The following RAB3B variants were observed in gnomAD, a reference collection of about 807,000 sequenced individuals.
RAB3B encodes ras-related protein Rab-3B.
A neutral mutation model predicts 20.5 loss-of-function variants in RAB3B; 11 were observed. That is an observed-to-expected ratio of 0.54 (90% CI 0.34 to 0.89). The LOEUF (loss-of-function observed/expected upper bound fraction) is 0.89. Among genes scored for constraint, RAB3B ranks in the 40% least tolerant of loss-of-function variants. The probability of loss-of-function intolerance (pLI) is 0.02; values close to 1 mark genes in which losing one functional copy is unlikely to be tolerated. For missense variants in RAB3B, 225 were observed against 280.9 expected (o/e 0.80, Z 1.42); for synonymous variants, 99 against 106.3 (o/e 0.93, Z 0.42).
At chr1:51,985,108 G>T (rs1685135212) in intron 1 of RAB3B, among the ~76,000 whole-genome samples, 1 of 152,152 alleles carries the variant, frequency 6.6e-6, no homozygotes, top group South Asian at 2.1e-4. Context: ...ACAGAGCTTG[G>T]TACAAATAGA....
At chr1:51,928,197 C>T (rs546042124) in intron 4 of RAB3B, among the ~76,000 whole-genome samples, 1 of 152,310 alleles carries the variant, frequency 6.6e-6, no homozygotes, top group South Asian at 2.1e-4. Context: ...ACCTCCGCCT[C>T]CCCGGTTCAG....
chr1:51,971,212 T>C (rs1684928898), intron 2 of RAB3B, among the ~76,000 whole-genome samples: 1 of 150,918 alleles, frequency 6.6e-6, no homozygotes, highest in African/African-American at 2.4e-5. Context: ...AAAAATGAAG[T>C]GATTTATCAA....
intron 2 of RAB3B, among the ~76,000 whole-genome samples, chr1:51,972,157 C>T (rs1018608721): frequency 5.3e-5 from 8 of 151,854 alleles, no homozygotes; most frequent in Admixed American, 2.0e-4. Context: ...CCTGGGCAAC[C>T]GAGCGAGACT....
chr1:51,960,393 T>A (rs1012035314), intron 2 of RAB3B, among the ~76,000 whole-genome samples: 5 of 152,176 alleles, frequency 3.3e-5, no homozygotes, highest in Non-Finnish European at 7.4e-5. Context: ...CCCAGCCATC[T>A]GGGCCTCAGC....
At chr1:51,931,827 TAGA>T (rs1684331142) in intron 4 of RAB3B, among the ~76,000 whole-genome samples, 1 of 151,872 alleles carries the variant, frequency 6.6e-6, no homozygotes, top group Admixed American at 6.6e-5. Context: ...TGGATGAGGG[TAGA>T]AGATGGGGAG....
Position 51,918,301 on chromosome 1 carries a change from T to G in RAB3B, c.*1626A>C, listed in dbSNP as rs781465323. ...GATTTATTTTGCTTTGAATCATACT[T>G]CTCAGTTAGACTGCTCAAGAGCAGT... On this transcript the variant is annotated 3_prime_UTR_variant, in exon 5 of 5. Coordinates refer to ENST00000371655, the MANE Select transcript of RAB3B (RefSeq NM_002867.4). 1.3e-5 allele frequency: 2 copies of G among 152,292 alleles called. No homozygotes were observed. Among genetic ancestry groups the G allele is most frequent in the Middle Eastern group, 3.4e-3 (1 of 294 alleles). The allele number at this position is 152,292 out of a possible 1,614,324, so 9.4% of individuals were successfully genotyped here.
Position 51,933,418 on chromosome 1 carries a change from G to A in RAB3B, c.372C>T (p.Ser124=). ...QDWATQIKTY[S]WDNAQVILVG... ...CCAGAATAACTTGTGCATTGTCCCA[G>A]GAGTAGGTCTTGATCTGAGTAGCCC... The change falls in exon 4 of 5, where the codon TCC becomes TCT. Residue 124 remains serine, a synonymous_variant. Transcript: ENST00000371655. 1 of 1,613,134 alleles carries A rather than the reference G, an allele frequency of 6.2e-7. No homozygotes were observed. Among genetic ancestry groups the A allele is most frequent in the Non-Finnish European group, 8.5e-7 (1 of 1,179,162 alleles).
Position 51,911,280 on chromosome 1 carries a change from C to T in RAB3B, c.*8647G>A, listed in dbSNP as rs1031941261. ...TCCCTCTTCTTCGTTCCTTCAGGTACAAGAAGAGAGGATGGAGACGAGGGT... is the reference window on the plus strand; with the variant it reads ...TCCCTCTTCTTCGTTCCTTCAGGTATAAGAAGAGAGGATGGAGACGAGGGT... On this transcript the variant is annotated 3_prime_UTR_variant, in exon 5 of 5. Coordinates refer to ENST00000371655, the MANE Select transcript of RAB3B (RefSeq NM_002867.4). 6.6e-6 allele frequency: 1 copy of T among 152,160 alleles called. No individual in the cohort carries two copies. Among genetic ancestry groups the T allele is most frequent in the East Asian group, 1.9e-4 (1 of 5,206 alleles). 9.4% of individuals were successfully genotyped at this position (152,160 alleles called of 1,614,324 possible). A position where few individuals can be genotyped will look rare whatever the true frequency, so the allele number is the denominator to read the frequency against.
chr1:51,929,521 C>T (rs1466862910), intron 4 of RAB3B, among the ~76,000 whole-genome samples: 7 of 152,058 alleles, frequency 4.6e-5, no homozygotes, highest in Non-Finnish European at 1.0e-4. Flanking sequence ...ACCATGTTGA[C>T]CAGGTTGGTA....
intron 2 of RAB3B, among the ~76,000 whole-genome samples, chr1:51,961,012 T>A (rs1684777014): frequency 6.6e-6 from 1 of 152,228 alleles, no homozygotes; most frequent in African/African-American, 2.4e-5. Context: ...TTAATATTCT[T>A]CTATTTTACA....
chr1:51,977,880 T>C (rs1323875234), intron 1 of RAB3B, among the ~76,000 whole-genome samples: 1 of 152,212 alleles, frequency 6.6e-6, no homozygotes, highest in African/African-American at 2.4e-5. Flanking sequence ...CTGTTCAATT[T>C]GACAAATAAC....
At chr1:51,927,362 T>C (rs1045907676) in intron 4 of RAB3B, among the ~76,000 whole-genome samples, 1 of 152,182 alleles carries the variant, frequency 6.6e-6, no homozygotes, top group Non-Finnish European at 1.5e-5. Flanking sequence ...AGACAGCAAA[T>C]GCAATGCTCA....
chr1:51,912,542 T>TTA lies in RAB3B; in HGVS notation c.*7384_*7385insTA, dbSNP rs1684015026. 7 of 6,388 alleles carry TTA rather than the reference T, an allele frequency of 1.1e-3. No individual in the cohort carries two copies. Among genetic ancestry groups the TTA allele is most frequent in the Admixed American group, 0.011 (3 of 276 alleles). The allele number at this position is 6,388 out of a possible 1,614,324, so 0.4% of individuals were successfully genotyped here. ...GGCAACATAGCAAGACCGTCTCTATTAAAAAAAAAAAAATATATATATATA... is the reference window on the plus strand; with the variant it reads ...GGCAACATAGCAAGACCGTCTCTATTTAAAAAAAAAAAAAATATATATATATA... On this transcript the variant is annotated 3_prime_UTR_variant, in exon 5 of 5. Coordinates refer to ENST00000371655, the MANE Select transcript of RAB3B (RefSeq NM_002867.4).
chr1:51,925,881 T>C (rs1283572731), intron 4 of RAB3B, among the ~76,000 whole-genome samples: 1 of 152,124 alleles, frequency 6.6e-6, no homozygotes, highest in Non-Finnish European at 1.5e-5. Context: ...AACCCAGAGA[T>C]TATCAAAAGC....
chr1:51,967,033 C>T (rs1684861061), intron 2 of RAB3B, among the ~76,000 whole-genome samples: 1 of 152,208 alleles, frequency 6.6e-6, no homozygotes, highest in African/African-American at 2.4e-5. Context: ...AAGACTGAGG[C>T]TGGGCACAGT....
chr1:51,929,133 T>C (rs1256961790), intron 4 of RAB3B, among the ~76,000 whole-genome samples: 1 of 152,050 alleles, frequency 6.6e-6, no homozygotes, highest in Non-Finnish European at 1.5e-5. Flanking sequence ...GATTGATTCA[T>C]AGTGGTTGGG....
chr1:51,981,024 TTTTTA>T (rs950916409), intron 1 of RAB3B, among the ~76,000 whole-genome samples: 4 of 152,152 alleles, frequency 2.6e-5, no homozygotes, highest in African/African-American at 4.8e-5. Flanking sequence ...ATTATTATTA[TTTTTA>T]TTTTATTTTA....
chr1:51,953,523 G>T (rs879693266), intron 2 of RAB3B, among the ~76,000 whole-genome samples: 2 of 152,242 alleles, frequency 1.3e-5, no homozygotes, highest in Admixed American at 6.5e-5. Context: ...CTAATGGTAG[G>T]CCAGGCACGG....
chr1:51,939,741 A>AT (rs1684464856), intron 2 of RAB3B, among the ~76,000 whole-genome samples: 1 of 152,056 alleles, frequency 6.6e-6, no homozygotes, highest in African/African-American at 2.4e-5. Context: ...TGCCTGGCTA[A>AT]TTTTTTTTAC....
Sources: gnomAD v4.1 joint callset for allele counts (sites outside exome capture counted in the v4.1 genomes callset) on GRCh38, gnomAD v4.1.1 for gene constraint, MANE v1.5 for transcripts, NCBI Gene and HGNC (gene_info 2026-07-23, HGNC 2026-07-21) for gene names.